Variants in FIG4 observed in about 807,000 individuals in gnomAD.
The protein encoded by FIG4 is FIG4 phosphoinositide 5-phosphatase.
A neutral mutation model predicts 118.6 loss-of-function variants in FIG4; 112 were observed. The ratio of observed to expected loss-of-function variants is 0.94; its 90% confidence interval spans 0.81 to 1.11. The LOEUF (loss-of-function observed/expected upper bound fraction) is 1.11. Ranked by LOEUF, FIG4 falls within the 50% of genes least tolerant of loss-of-function variation. FIG4 has a pLI of 0.00. For missense variants in FIG4, 969 were observed against 1,111.7 expected, an observed-to-expected ratio of 0.87 and a Z score of 1.83; for synonymous variants, 369 against 381.2, an observed-to-expected ratio of 0.97 and a Z score of 0.37.
chr6:109,773,221 C>A (rs1377918768), intron 15 of FIG4, among the ~76,000 whole-genome samples: 3 of 152,130 alleles, frequency 2.0e-5, no homozygotes, highest in Non-Finnish European at 4.4e-5. Context: ...TACAGTGGAC[C>A]CAACCAGATG....
At chr6:109,786,000 A>T in intron 17 of FIG4, 1 of 380,208 alleles carries the variant, frequency 2.6e-6, no homozygotes, top group Non-Finnish European at 4.9e-6. Flanking sequence ...AAGGGCATTT[A>T]TTTAAGAGCA....
chr6:109,748,751 A>G (rs1265630717), intron 10 of FIG4, among the ~76,000 whole-genome samples: 1 of 152,156 alleles, frequency 6.6e-6, no homozygotes, highest in Non-Finnish European at 1.5e-5. Context: ...CACGTGTTAC[A>G]TGGCGGCAGA....
chr6:109,711,244 TA>T (rs1775250647), intron 1 of FIG4, among the ~76,000 whole-genome samples: 1 of 151,688 alleles, frequency 6.6e-6, no homozygotes, highest in African/African-American at 2.4e-5. Context: ...CTAAACAAAA[TA>T]AAAAAAATTA....
intron 16 of FIG4, among the ~76,000 whole-genome samples, chr6:109,780,006 AC>A (rs1777749597): frequency 6.6e-6 from 1 of 152,154 alleles, no homozygotes; most frequent in South Asian, 2.1e-4. Flanking sequence ...CACAGAATAA[AC>A]CCTGTACTGA....
At chr6:109,721,087 C>T (rs756930297) in intron 3 of FIG4, among the ~76,000 whole-genome samples, 4 of 152,120 alleles carry the variant, frequency 2.6e-5, no homozygotes, top group Non-Finnish European at 4.4e-5. Flanking sequence ...TCTTCTAAGC[C>T]TCTAGTATGT....
chr6:109,757,743 C>G (rs1277089299), intron 10 of FIG4, among the ~76,000 whole-genome samples: 1 of 152,180 alleles, frequency 6.6e-6, no homozygotes, highest in Non-Finnish European at 1.5e-5. Context: ...ACTCCTTAAG[C>G]TGATAAGCAA....
At chr6:109,779,298 T>C (rs530394058) in intron 16 of FIG4, among the ~76,000 whole-genome samples, 1 of 152,316 alleles carries the variant, frequency 6.6e-6, no homozygotes, top group South Asian at 2.1e-4. Flanking sequence ...CTGCAGAAAT[T>C]AGCTATGTAT....
At chr6:109,737,619 ATTATC>A (rs1776196663) in intron 6 of FIG4, among the ~76,000 whole-genome samples, 1 of 152,150 alleles carries the variant, frequency 6.6e-6, no homozygotes, top group Non-Finnish European at 1.5e-5. Context: ...CTTTTAAGCT[ATTATC>A]TTATAAACAT....
intron 10 of FIG4, among the ~76,000 whole-genome samples, chr6:109,759,193 A>G (rs913708377): frequency 1.3e-5 from 2 of 152,146 alleles, no homozygotes; most frequent in African/African-American, 4.8e-5. Flanking sequence ...CTTGAAACCA[A>G]CCCAACGGCC....
At chr6:109,695,816 G>A (rs767620444) in intron 1 of FIG4, among the ~76,000 whole-genome samples, 3 of 152,178 alleles carry the variant, frequency 2.0e-5, no homozygotes, top group Non-Finnish European at 4.4e-5. Flanking sequence ...AGAAGGCTCT[G>A]CTCTTGTCTG....
At chr6:109,779,149 G>A (rs1417842808) in intron 16 of FIG4, among the ~76,000 whole-genome samples, 1 of 151,794 alleles carries the variant, frequency 6.6e-6, no homozygotes, top group African/African-American at 2.4e-5. Flanking sequence ...TTGAGAGATG[G>A]GTATAAATAC....
chr6:109,760,736 G>C (rs921398860), intron 11 of FIG4, among the ~76,000 whole-genome samples: 1 of 152,068 alleles, frequency 6.6e-6, no homozygotes, highest in Admixed American at 6.5e-5. Flanking sequence ...ACTGTATATA[G>C]TAGATCCAAA....
intron 3 of FIG4, among the ~76,000 whole-genome samples, chr6:109,722,978 C>G: frequency 9.4e-6 from 1 of 106,898 alleles, no homozygotes; most frequent in Non-Finnish European, 1.9e-5. Context: ...CGGCACCTGC[C>G]CAGAGTAGAT....
In FIG4 at chr6:109,762,044, A is replaced by G. The variant is rs150243698; in HGVS notation, c.1272-47A>G. 1.7e-4 allele frequency: 182 copies of G among 1,059,108 alleles called. 1 individual carries two copies. The highest frequency in any genetic ancestry group is 1.2e-3 in the Middle Eastern group (6 of 4,998). The allele number at this position is 1,059,108 out of a possible 1,614,324, so 65.6% of individuals were successfully genotyped here. On this transcript the variant is annotated intron_variant, in intron 11 of 22. Transcript: ENST00000230124. The stretch of plus-strand genomic sequence containing the variant: ...GCTTTAGATATAAGGATAAATATAT[A>G]TTAAAACTTGGCTTCTCACTTTTCT...
intron 1 of FIG4, among the ~76,000 whole-genome samples, chr6:109,697,626 C>CT (rs1343073575): frequency 6.6e-6 from 1 of 152,174 alleles, no homozygotes; most frequent in African/African-American, 2.4e-5. Context: ...AAGTCACACT[C>CT]TTATCATTTC....
intron 4 of FIG4, among the ~76,000 whole-genome samples, chr6:109,732,385 A>G (rs1390538777): frequency 1.3e-5 from 2 of 152,172 alleles, no homozygotes; most frequent in Non-Finnish European, 2.9e-5. Flanking sequence ...CCCTACATGT[A>G]GATGCACGAC....
At position 109,819,032 on chromosome 6, in the gene FIG4, T is replaced by C. The variant is rs193022086; in HGVS notation, c.2547-6056T>C. 1.1e-3 allele frequency among the ~76,000 whole-genome samples: 167 copies of C among 152,332 alleles called. 1 individual carries two copies. Among genetic ancestry groups the C allele is most frequent in the Admixed American group, 9.2e-3 (140 of 15,298 alleles). ...CCGTGTATACTCTTCTTGCTGTAAGTAGGACCCACTCCATTCCCTGTAAAT... is the reference window on the plus strand; with the variant it reads ...CCGTGTATACTCTTCTTGCTGTAAGCAGGACCCACTCCATTCCCTGTAAAT... On this transcript the variant is annotated intron_variant, in intron 22 of 22. Transcript: ENST00000230124.
At chr6:109,792,736 C>CA (rs1230211216) in intron 21 of FIG4, 72 bp downstream of exon 21, 4 of 430,446 alleles carry the variant, frequency 9.3e-6, no homozygotes, top group East Asian at 5.2e-5. Context: ...ACTACTATAC[C>CA]TTTTTTTTTT....
chr6:109,734,802 C>G (rs922228161), intron 5 of FIG4, among the ~76,000 whole-genome samples: 1 of 152,052 alleles, frequency 6.6e-6, no homozygotes, highest in Non-Finnish European at 1.5e-5. Flanking sequence ...TATAAAACCC[C>G]ATACAGATTC....
Sources: gnomAD v4.1 joint callset for allele counts (sites outside exome capture counted in the v4.1 genomes callset) on GRCh38, gnomAD v4.1.1 for gene constraint, MANE v1.5 for transcripts, NCBI Gene and HGNC (gene_info 2026-07-23, HGNC 2026-07-21) for gene names.